Variants in CHAT observed in about 807,000 individuals in gnomAD.
CHAT encodes acetyl CoA:choline O-acetyltransferase.
Under a neutral mutation model 76.9 loss-of-function variants are expected in CHAT, and 61 were observed. That is an observed-to-expected ratio of 0.79 (90% CI 0.65 to 0.98). CHAT has a LOEUF of 0.98. Ranked by LOEUF, CHAT falls within the 50% of genes least tolerant of loss-of-function variation. CHAT has a pLI of 0.00. For synonymous variants in CHAT, 407 were observed against 397.4 expected, an observed-to-expected ratio of 1.02 and a Z score of -0.29; for missense variants, 946 against 986.9, an observed-to-expected ratio of 0.96 and a Z score of 0.56.
intron 1 of CHAT, chr10:49,615,788 CTAGGGG>C: frequency 3.7e-6 from 2 of 547,904 alleles, no homozygotes; most frequent in Non-Finnish European, 6.4e-6. Flanking sequence ...CAGGTGGCCC[CTAGGGG>C]CCCTGGCTGC....
chr10:49,648,251 T>G (rs972395771), intron 8 of CHAT, among the ~76,000 whole-genome samples: 1 of 152,180 alleles, frequency 6.6e-6, no homozygotes, highest in African/African-American at 2.4e-5. Flanking sequence ...CCTGGACTGC[T>G]CAGTCCGGGA....
intron 7 of CHAT, among the ~76,000 whole-genome samples, chr10:49,645,929 C>T (rs1839646378): frequency 6.6e-6 from 1 of 152,232 alleles, no homozygotes; most frequent in African/African-American, 2.4e-5. Context: ...GCCCTTCTGC[C>T]TGCAGCTCTG....
intron 4 of CHAT, 38 bp from the exon 5 acceptor site, chr10:49,622,059 C>T: frequency 1.3e-6 from 1 of 758,752 alleles, no homozygotes; most frequent in Non-Finnish European, 1.7e-6. Context: ...GAAGCCAGGC[C>T]CTGGGAGGAA....
Position 49,614,284 on chromosome 10 carries a change from G to C in CHAT, c.95G>C (p.Arg32Pro). 2 of 1,548,510 alleles carry C rather than the reference G, an allele frequency of 1.3e-6. No homozygotes were observed. The highest frequency in any genetic ancestry group is 8.7e-7 in the Non-Finnish European group (1 of 1,146,562). The change falls in exon 1 of 15, where the codon CGG (arginine) becomes CCG (proline). Residue 32 changes from arginine (R) to proline (P), a missense_variant. Transcript: ENST00000337653. ...GGTACAAGAGGAAGGAGAGAAGTGCGGCCAGCTTGCTTTCTCCAGTCGGGT... is the reference window on the plus strand; with the variant it reads ...GGTACAAGAGGAAGGAGAGAAGTGCCGCCAGCTTGCTTTCTCCAGTCGGGT... ...GGGTRGRREV[R>P]PACFLQSGGR...
At chr10:49,648,113 G>T in intron 8 of CHAT, 1 of 295,166 alleles carries the variant, frequency 3.4e-6, no homozygotes, top group Non-Finnish European at 6.5e-6. Context: ...CCAGCCTCTG[G>T]CACACAAGGC....
At chr10:49,653,913 C>G (rs569577533) in intron 11 of CHAT, among the ~76,000 whole-genome samples, 1 of 152,384 alleles carries the variant, frequency 6.6e-6, no homozygotes, top group African/African-American at 2.4e-5. Flanking sequence ...CACCCCTCCT[C>G]CTCCTGCCTG....
chr10:49,610,000 C>A (rs1838246211), upstream of CHAT, among the ~76,000 whole-genome samples: 1 of 152,018 alleles, frequency 6.6e-6, no homozygotes, highest in Admixed American at 6.5e-5. Flanking sequence ...GGCGCTGACC[C>A]CGCGAGTCCT....
chr10:49,638,085 T>G (rs1839354652), intron 7 of CHAT, among the ~76,000 whole-genome samples: 1 of 152,240 alleles, frequency 6.6e-6, no homozygotes, highest in Non-Finnish European at 1.5e-5. Flanking sequence ...TCCTTTCAGT[T>G]CTGTCAGAGT....
intron 7 of CHAT, among the ~76,000 whole-genome samples, chr10:49,641,178 C>T (rs993891411): frequency 6.6e-6 from 1 of 152,178 alleles, no homozygotes; most frequent in Admixed American, 6.5e-5. Flanking sequence ...TGGATTAAGA[C>T]CTTATTTAAC....
chr10:49,643,278 C>G (rs951883183), intron 7 of CHAT, among the ~76,000 whole-genome samples: 1 of 152,226 alleles, frequency 6.6e-6, no homozygotes, highest in Non-Finnish European at 1.5e-5. Flanking sequence ...CCTGCATGCC[C>G]TCACCCATAA....
intron 14 of CHAT, among the ~76,000 whole-genome samples, chr10:49,663,307 G>A (rs547832413): frequency 1.3e-5 from 2 of 152,302 alleles, no homozygotes; most frequent in Admixed American, 1.3e-4. Flanking sequence ...AGCCGAGGTG[G>A]AGACAGTACA....
intron 7 of CHAT, among the ~76,000 whole-genome samples, chr10:49,631,655 C>T (rs983072756): frequency 1.3e-5 from 2 of 152,134 alleles, no homozygotes; most frequent in African/African-American, 2.4e-5. Context: ...AGGATGTGAA[C>T]TAGAAAGCCA....
At chr10:49,612,149 G>T (rs748546777), upstream of CHAT, 54 of 1,611,242 alleles carry the variant, frequency 3.4e-5, no homozygotes, top group Non-Finnish European at 4.4e-5. Context: ...CTGCTGCTCC[G>T]CAACGTGGGC....
At chr10:49,619,516 C>A (rs1838618930) in intron 2 of CHAT, among the ~76,000 whole-genome samples, 1 of 152,180 alleles carries the variant, frequency 6.6e-6, no homozygotes. Flanking sequence ...CACTTTATCC[C>A]TTTCTGGGGA....
At position 49,619,934 on chromosome 10, in the gene CHAT, G is replaced by A. The variant is rs545111763; in HGVS notation, c.579+18G>A. On this transcript the variant is annotated intron_variant, in intron 3 of 14. Transcript: ENST00000337653. ...CCAACTGGGTAAGAGGGGCAGACAAGGAACCCATAGAAGAGGGGCGGGAGG... is the reference window on the plus strand; with the variant it reads ...CCAACTGGGTAAGAGGGGCAGACAAAGAACCCATAGAAGAGGGGCGGGAGG... The A allele has an allele frequency of 6.2e-7, 1 of 1,605,516 alleles. No individual in the cohort carries two copies. Among genetic ancestry groups the A allele is most frequent in the Non-Finnish European group, 8.5e-7 (1 of 1,176,534 alleles).
In CHAT at chr10:49,621,674, C is replaced by T. The variant is rs118131407; in HGVS notation, c.699-423C>T. The stretch of plus-strand genomic sequence containing the variant: ...TCCAAGGAAGAACTCCACCCTTCAC[C>T]CTCCACCCCTTCTGGCCTGCTCTGT... On this transcript the variant is annotated intron_variant, in intron 4 of 14. Coordinates refer to ENST00000337653, the MANE Select transcript of CHAT (RefSeq NM_020549.5). Among the ~76,000 whole-genome samples, 201 of 152,240 alleles carry T rather than the reference C, an allele frequency of 1.3e-3. 1 individual carries two copies. In the South Asian group the frequency reaches 0.017, roughly 13 times the overall value.
At chr10:49,615,900 C>A in intron 1 of CHAT, 1 of 760,110 alleles carries the variant, frequency 1.3e-6, no homozygotes. Flanking sequence ...CTCCAGCAGG[C>A]CCAGAGTCTC....
At chr10:49,630,254 TG>T (rs1450573171) in intron 7 of CHAT, among the ~76,000 whole-genome samples, 1 of 151,966 alleles carries the variant, frequency 6.6e-6, no homozygotes, top group East Asian at 1.9e-4. Flanking sequence ...ACAGGGAGCC[TG>T]GAGGTCAGGT....
At chr10:49,618,456 T>A (rs577732584) in intron 2 of CHAT, among the ~76,000 whole-genome samples, 1 of 152,272 alleles carries the variant, frequency 6.6e-6, no homozygotes, top group South Asian at 2.1e-4. Flanking sequence ...TGCCTTCCTA[T>A]TGTCACTGGC....
Sources: gnomAD v4.1 joint callset for allele counts (sites outside exome capture counted in the v4.1 genomes callset) on GRCh38, gnomAD v4.1.1 for gene constraint, MANE v1.5 for transcripts, NCBI Gene and HGNC (gene_info 2026-07-23, HGNC 2026-07-21) for gene names.